The following TNC variants were observed in gnomAD, a reference collection of about 807,000 sequenced individuals.
TNC encodes tenascin C.
TNC carries 109 observed loss-of-function variants against 202.4 expected under a neutral mutation model. The observed-to-expected ratio is 0.54, with a 90% CI of 0.46 to 0.63. The LOEUF (loss-of-function observed/expected upper bound fraction) is 0.63. Ranked by LOEUF, TNC falls within the 30% of genes least tolerant of loss-of-function variation. The pLI is 0.00. For synonymous variants in TNC, 1,007 were observed against 1,089.7 expected, an observed-to-expected ratio of 0.92 and a Z score of 1.50; for missense variants, 2,756 against 2,833.3, an observed-to-expected ratio of 0.97 and a Z score of 0.62.
At chr9:115,073,574 A>AG in intron 10 of TNC, 29 bp downstream of exon 10, 3 of 1,599,322 alleles carry the variant, frequency 1.9e-6, no homozygotes, top group Non-Finnish European at 2.6e-6. Flanking sequence ...ATCAACCTAG[A>AG]GTTTGGAGGA....
intron 9 of TNC, among the ~76,000 whole-genome samples, chr9:115,074,191 A>G (rs559447562): frequency 2.0e-5 from 3 of 152,214 alleles, no homozygotes; most frequent in East Asian, 3.8e-4. Flanking sequence ...TCTCGAGAGA[A>G]TTATGCTGAA....
rs764579107 is a variant in TNC, at chr9:115,086,188, G to C, written c.1543C>G (p.Gln515Glu). The change falls in exon 3 of 28, where the codon CAG becomes GAG. Residue 515 changes from glutamine (Q) to glutamate (E), a missense_variant. Coordinates refer to ENST00000350763, the MANE Select transcript of TNC (RefSeq NM_002160.4). ...CSNRGLCVDGQCVCEDGFTGP... is the reference protein window; with the variant it reads ...CSNRGLCVDGECVCEDGFTGP... The stretch of plus-strand genomic sequence containing the variant: ...GTGAAGCCGTCCTCACAGACGCACT[G>C]TCCGTCCACACAGAGGCCCCTGTTG... 9 of 1,614,042 alleles carry C rather than the reference G, an allele frequency of 5.6e-6. No individual in the cohort carries two copies. The East Asian group carries it at 1.3e-4, about 24-fold the overall frequency.
chr9:115,057,498 A>G (rs955523006), intron 14 of TNC, 73 bp from the exon 15 acceptor site: 2 of 1,455,094 alleles, frequency 1.4e-6, no homozygotes, highest in Non-Finnish European at 1.8e-6. Flanking sequence ...TTTAAGATTG[A>G]GGTTGTTAAT....
chr9:115,097,467 T>C (rs1835884144), intron 1 of TNC, among the ~76,000 whole-genome samples: 1 of 152,146 alleles, frequency 6.6e-6, no homozygotes, highest in Non-Finnish European at 1.5e-5. Context: ...GGGAGATACA[T>C]TCATGATTAT....
intron 2 of TNC, among the ~76,000 whole-genome samples, chr9:115,089,475 C>T (rs1835043563): frequency 7.6e-6 from 1 of 131,332 alleles, no homozygotes; most frequent in Non-Finnish European, 1.6e-5. Flanking sequence ...ATGCAAAATC[C>T]CTATCTCTCT....
chr9:115,049,534 A>G (rs1370595998), intron 15 of TNC, among the ~76,000 whole-genome samples: 1 of 152,130 alleles, frequency 6.6e-6, no homozygotes, highest in East Asian at 1.9e-4. Flanking sequence ...TCCAAGTTCT[A>G]TGTTCTTTCC....
Position 115,078,180 on chromosome 9 carries a change from C to G in TNC, c.2437G>C (p.Asp813His), listed in dbSNP as rs1834027453. The change falls in exon 7 of 28, where the codon GAT becomes CAT. Residue 813 changes from aspartate to histidine, a missense_variant. Asp to His is a moderately conservative substitution (Grantham distance 81). This residue lies in a region of TNC where 2,559 missense variants were observed against 2,546.0 expected (regional missense o/e 1.01). Transcript: ENST00000350763. ...LDAPSQIEVK[D>H]VTDTTALITW... ...ATCAAGGCAGTGGTGTCTGTGACATCTTTCACCTCGATCTGGCTGGGGGCA... is the reference window on the plus strand; with the variant it reads ...ATCAAGGCAGTGGTGTCTGTGACATGTTTCACCTCGATCTGGCTGGGGGCA... The G allele has an allele frequency of 6.2e-7, 1 of 1,610,228 alleles. No individual in the cohort carries two copies. The highest frequency in any genetic ancestry group is 1.7e-5 in the Admixed American group (1 of 59,944).
chr9:115,073,631 G>C lies in TNC; in HGVS notation c.3186C>G (p.Ser1062Arg). The change falls in exon 10 of 28, where the codon AGC becomes AGG. Residue 1062 changes from serine to arginine, a missense_variant. Around this residue, in one of 2 missense-constraint regions of TNC, gnomAD observed 2,559 missense variants for 2,546.0 expected, o/e 1.01. Transcript: ENST00000350763. ...TGGATGCCTTCACACGTGCGGGCTT[G>C]CTCTTGTGTCTGCCTTTCTCGGCTG... ...LLTAEKGRHKSKPARVKASTE... is the reference protein window; with the variant it reads ...LLTAEKGRHKRKPARVKASTE... 1.9e-6 allele frequency: 3 copies of C among 1,614,170 alleles called. No homozygotes were observed. In the African/African-American group the frequency reaches 4.0e-5, roughly 22 times the overall value.
At chr9:115,030,167 G>C (rs1829837255) in intron 24 of TNC, 87 bp downstream of exon 24, 2 of 1,382,984 alleles carry the variant, frequency 1.4e-6, no homozygotes, top group Non-Finnish European at 2.0e-6. Context: ...AGTGCATCAG[G>C]AGGAGATCAC....
chr9:115,079,504 T>C (rs975865630), intron 6 of TNC, among the ~76,000 whole-genome samples: 2 of 152,200 alleles, frequency 1.3e-5, no homozygotes, highest in African/African-American at 4.8e-5. Context: ...ACCTACTACC[T>C]TCCTTAGTAC....
At chr9:115,075,364 T>G (rs1833764656) in intron 9 of TNC, among the ~76,000 whole-genome samples, 1 of 152,154 alleles carries the variant, frequency 6.6e-6, no homozygotes, top group South Asian at 2.1e-4. Context: ...GGTATAAAAG[T>G]TAGGTGTTTT....
chr9:115,086,126 G>C lies in TNC; in HGVS notation c.1605C>G (p.Asp535Glu). 1 of 1,614,002 alleles carries C rather than the reference G, an allele frequency of 6.2e-7. No homozygotes were observed. The change falls in exon 3 of 28, where the codon GAC becomes GAG. Residue 535 changes from aspartate (D) to glutamate (E), a missense_variant. Physicochemically the swap from Asp to Glu is conservative, Grantham distance 45 (BLOSUM62 2). This residue lies in a region of TNC where 2,559 missense variants were observed against 2,546.0 expected (regional missense o/e 1.01). Transcript: ENST00000350763. ...PDCAELSCPN[D>E]CHGQGRCVNG... Reference sequence around the variant, plus strand: ...TCACACAGCGACCCTGGCCATGGCAGTCATTTGGACAGGAGAGTTCTGCAC... The same window carrying C: ...TCACACAGCGACCCTGGCCATGGCACTCATTTGGACAGGAGAGTTCTGCAC...
chr9:115,098,994 G>A (rs767767698), intron 1 of TNC, among the ~76,000 whole-genome samples: 15 of 141,948 alleles, frequency 1.1e-4, no homozygotes, highest in South Asian at 4.5e-4. Flanking sequence ...GAGTGAGTCC[G>A]GTGCAACCTG....
intron 27 of TNC, among the ~76,000 whole-genome samples, chr9:115,022,517 C>T (rs1820916623): frequency 2.0e-5 from 3 of 152,086 alleles, no homozygotes; most frequent in Admixed American, 2.0e-4. Context: ...TTTCTTCTTC[C>T]ATAATTGAAT....
intron 1 of TNC, among the ~76,000 whole-genome samples, chr9:115,108,758 G>A (rs1292427130): frequency 1.3e-5 from 2 of 152,116 alleles, no homozygotes. Flanking sequence ...AGATCATGAG[G>A]GCAGAGGCTT....
In TNC at chr9:115,086,537, G is replaced by A. The variant is rs1224994020; in HGVS notation, c.1194C>T (p.Phe398=). The A allele has an allele frequency of 6.2e-7, 1 of 1,613,728 alleles. No individual in the cohort carries two copies. Among genetic ancestry groups the A allele is most frequent in the Non-Finnish European group, 8.5e-7 (1 of 1,179,994 alleles). The change falls in exon 3 of 28, where the codon TTC becomes TTT. Residue 398 remains phenylalanine, a synonymous_variant. Transcript: ENST00000350763. ...VDGRCECDDG[F]TGADCGELKC... ...TGAGCTCCCCACAGTCAGCTCCAGT[G>A]AAACCATCATCACACTCACACCGCC...
chr9:115,028,559 C>G (rs1253398920), intron 25 of TNC, among the ~76,000 whole-genome samples: 1 of 152,038 alleles, frequency 6.6e-6, no homozygotes, highest in Non-Finnish European at 1.5e-5. Context: ...TTTGGTTCTT[C>G]CTTAATCAGA....
chr9:115,078,095 T>G lies in TNC; in HGVS notation c.2522A>C (p.Asp841Ala), dbSNP rs777332150. 2 of 1,614,144 alleles carry G rather than the reference T, an allele frequency of 1.2e-6. No individual in the cohort carries two copies. The highest frequency in any genetic ancestry group is 2.2e-5 in the South Asian group (2 of 91,082). Residue 841 changes from aspartate (D) to alanine (A), a missense_variant, in exon 7 of 28, where the codon GAC becomes GCC. By Grantham distance (126) the Asp-to-Ala change is moderately radical. Coordinates refer to ENST00000350763, the MANE Select transcript of TNC (RefSeq NM_002160.4). ...DGIELTYGIKDVPGDRTTIDL... is the reference protein window; with the variant it reads ...DGIELTYGIKAVPGDRTTIDL... ...GATGGTGGTACGGTCTCCTGGCACG[T>G]CTTTGATGCCGTAGGTCAGCTCAAT...
At chr9:115,065,390 T>C (rs1028909870) in intron 10 of TNC, among the ~76,000 whole-genome samples, 1 of 152,106 alleles carries the variant, frequency 6.6e-6, no homozygotes, top group African/African-American at 2.4e-5. Context: ...AGTGAGACTC[T>C]GTCTCAAAAC....
Sources: allele counts gnomAD v4.1 joint callset (sites outside exome capture counted in the v4.1 genomes callset), GRCh38; gene constraint gnomAD v4.1.1; regional missense constraint gnomAD v4.1.1; transcripts MANE v1.5; gene names NCBI Gene and HGNC (gene_info 2026-07-23, HGNC 2026-07-21).